Variants in BRAF observed in about 807,000 individuals in gnomAD.
BRAF encodes the protein B-Raf proto-oncogene, serine/threonine kinase.
Under a neutral mutation model 104.6 loss-of-function variants are expected in BRAF, and 16 were observed. That is an observed-to-expected ratio of 0.15 (90% CI 0.10 to 0.23). BRAF has a LOEUF of 0.23. Among genes scored for constraint, BRAF ranks in the 10% least tolerant of loss-of-function variants. BRAF has a pLI of 1.00. For missense variants in BRAF, 541 were observed against 937.3 expected (o/e 0.58, Z 5.52); for synonymous variants, 310 against 341.6 (o/e 0.91, Z 1.02).
At chr7:140,882,351 T>C (rs1239981873) in intron 1 of BRAF, among the ~76,000 whole-genome samples, 1 of 151,922 alleles carries the variant, frequency 6.6e-6, no homozygotes, top group African/African-American at 2.4e-5. Context: ...GAAATAACTA[T>C]TATTTCTTTA....
chr7:140,759,709 C>T (rs1333712162), intron 14 of BRAF, among the ~76,000 whole-genome samples: 2 of 152,156 alleles, frequency 1.3e-5, no homozygotes, highest in Non-Finnish European at 2.9e-5. Context: ...TTTTAAATGA[C>T]TTGTCCAACC....
Position 140,734,774 on chromosome 7 carries a change from C to CAAAAAAA in BRAF, c.2248-11_2248-5dup, listed in dbSNP as rs373442098. 4 of 773,850 alleles carry CAAAAAAA rather than the reference C, an allele frequency of 5.2e-6. No homozygotes were observed. Among genetic ancestry groups the CAAAAAAA allele is most frequent in the South Asian group, 5.4e-5 (2 of 37,042 alleles). The allele number at this position is 773,850 out of a possible 1,614,324, so 47.9% of individuals were successfully genotyped here. On this transcript the variant is annotated splice_region_variant and splice_polypyrimidine_tract_variant and intron_variant, in intron 18 of 19. Coordinates refer to ENST00000644969, the MANE Select transcript of BRAF (RefSeq NM_001374258.1). Reference sequence around the variant, plus strand: ...GCAGCTCAATAGAGGCGAGAATCTACAAAAAAAAAAAGAAAAAAAAAAGAA... The same window carrying CAAAAAAA: ...GCAGCTCAATAGAGGCGAGAATCTACAAAAAAAAAAAAAAAAAAGAAAAAAAAAAGAA...
At chr7:140,923,396 T>C (rs1337364972) in intron 1 of BRAF, among the ~76,000 whole-genome samples, 1 of 152,122 alleles carries the variant, frequency 6.6e-6, no homozygotes, top group Non-Finnish European at 1.5e-5. Context: ...TACCAAATAT[T>C]TGTAATAAAT....
chr7:140,879,721 T>C (rs1376492248), intron 1 of BRAF, among the ~76,000 whole-genome samples: 1 of 144,106 alleles, frequency 6.9e-6, no homozygotes, highest in African/African-American at 2.9e-5. Context: ...AGGGTGACTG[T>C]GGCAATTTCT....
intron 1 of BRAF, among the ~76,000 whole-genome samples, chr7:140,893,704 G>A (rs1436177342): frequency 6.6e-6 from 1 of 152,250 alleles, no homozygotes. Context: ...ACAGGGAGTG[G>A]GGGATGAGAG....
At chr7:140,884,429 A>ATATG (rs1290111251) in intron 1 of BRAF, among the ~76,000 whole-genome samples, 1 of 127,462 alleles carries the variant, frequency 7.8e-6, no homozygotes, top group African/African-American at 2.9e-5. Flanking sequence ...TATATAAGAT[A>ATATG]TGTGTGTGTG....
intron 1 of BRAF, among the ~76,000 whole-genome samples, chr7:140,852,686 C>T (rs1363010529): frequency 3.3e-5 from 5 of 152,138 alleles, no homozygotes; most frequent in African/African-American, 1.2e-4. Flanking sequence ...CAACTATGAA[C>T]TGATGAAGCC....
At chr7:140,852,277 G>T (rs1335548854) in intron 1 of BRAF, among the ~76,000 whole-genome samples, 2 of 151,752 alleles carry the variant, frequency 1.3e-5, no homozygotes, top group Non-Finnish European at 2.9e-5. Context: ...GCTGATGTGG[G>T]AGGATTACCT....
Position 140,722,978 on chromosome 7 carries a change from G to A in BRAF, c.*3516C>T, listed in dbSNP as rs2130822925. On this transcript the variant is annotated 3_prime_UTR_variant, in exon 20 of 20. Transcript: ENST00000644969. The stretch of plus-strand genomic sequence containing the variant: ...ACAAAATGAGAGTGCTCAAATACAA[G>A]TACACAAAAAAGTTAAAATCTTAAA... 2 of 1,053,870 alleles carry A rather than the reference G, an allele frequency of 1.9e-6. No individual in the cohort carries two copies. Among genetic ancestry groups the A allele is most frequent in the Non-Finnish European group, 2.3e-6 (2 of 872,232 alleles). 65.3% of individuals were successfully genotyped at this position (1,053,870 alleles called of 1,614,324 possible).
chr7:140,804,414 GT>G (rs771203988), intron 5 of BRAF, among the ~76,000 whole-genome samples: 435 of 144,116 alleles, frequency 3.0e-3, no homozygotes, highest in East Asian at 0.011. Context: ...TTTGGGGGGG[GT>G]GGTTAATACT....
chr7:140,788,856 TG>T (rs1801655411), intron 8 of BRAF, among the ~76,000 whole-genome samples: 1 of 151,798 alleles, frequency 6.6e-6, no homozygotes, highest in African/African-American at 2.4e-5. Context: ...CCCAAAGTGC[TG>T]GGATTACATG....
rs571304860 is a variant in BRAF at position 140,880,358 on chromosome 7, G to A, written c.139-30146C>T. 2.6e-5 allele frequency among the ~76,000 whole-genome samples: 4 copies of A among 152,138 alleles called. No individual in the cohort carries two copies. In the East Asian group the frequency reaches 5.8e-4, roughly 22 times the overall value. The stretch of plus-strand genomic sequence containing the variant: ...TTTTACCATGACATTGTAGCAATTC[G>A]GTCACATCTTCAGGATCCACTTCTA... On this transcript the variant is annotated intron_variant, in intron 1 of 19. Coordinates refer to ENST00000644969, the MANE Select transcript of BRAF (RefSeq NM_001374258.1).
intron 1 of BRAF, among the ~76,000 whole-genome samples, chr7:140,871,452 A>C (rs575711104): frequency 6.6e-6 from 1 of 152,276 alleles, no homozygotes; most frequent in African/African-American, 2.4e-5. Flanking sequence ...TCTCTAAAGC[A>C]AGGACTGCCT....
At chr7:140,901,877 C>T (rs1290684943) in intron 1 of BRAF, among the ~76,000 whole-genome samples, 1 of 152,200 alleles carries the variant, frequency 6.6e-6, no homozygotes. Context: ...TCTACTTCTA[C>T]CACTTAACTG....
rs1795501169 is a variant in BRAF, at chr7:140,724,634, C to CA, written c.*1859dup. 1 of 1,036,032 alleles carries CA rather than the reference C, an allele frequency of 9.7e-7. No individual in the cohort carries two copies. Among genetic ancestry groups the CA allele is most frequent in the Non-Finnish European group, 1.2e-6 (1 of 860,630 alleles). The allele number at this position is 1,036,032 out of a possible 1,614,324, so 64.2% of individuals were successfully genotyped here. On this transcript the variant is annotated 3_prime_UTR_variant, in exon 20 of 20. Transcript: ENST00000644969. Reference sequence around the variant, plus strand: ...TTTCTTCTGAATACATGTATGTTAGCAAAAATCTAATGGTAGTGAGCTTTT... The same window carrying CA: ...TTTCTTCTGAATACATGTATGTTAGCAAAAAATCTAATGGTAGTGAGCTTTT...
chr7:140,918,316 CAG>C (rs1391985768), intron 1 of BRAF, among the ~76,000 whole-genome samples: 1 of 152,138 alleles, frequency 6.6e-6, no homozygotes, highest in African/African-American at 2.4e-5. Flanking sequence ...TGTTCCACCT[CAG>C]ATCATCAGGC....
At chr7:140,883,551 G>A (rs1261261644) in intron 1 of BRAF, among the ~76,000 whole-genome samples, 2 of 152,140 alleles carry the variant, frequency 1.3e-5, no homozygotes, top group African/African-American at 4.8e-5. Context: ...TTGTAACATA[G>A]AGCTACTTAT....
intron 9 of BRAF, among the ~76,000 whole-genome samples, chr7:140,787,205 G>A (rs959134255): frequency 4.0e-5 from 6 of 150,454 alleles, no homozygotes; most frequent in African/African-American, 1.2e-4. Context: ...GGAGGCTGAG[G>A]CAGGAGAATG....
rs572847523 is a variant in BRAF, at chr7:140,783,437, T to G, written c.1298-280A>C. ...TGCAAAATCTAGGAGAAAAACAATC[T>G]CTCTAAAACAAGACAGAAATACTAA... On this transcript the variant is annotated intron_variant, in intron 10 of 19. Transcript: ENST00000644969. 80 of 304,782 alleles carry G rather than the reference T, an allele frequency of 2.6e-4. 2 individuals are homozygous for G. In the South Asian group the frequency reaches 8.6e-3, roughly 33 times the overall value. 18.9% of individuals were successfully genotyped at this position (304,782 alleles called of 1,614,324 possible). A position where few individuals can be genotyped will look rare whatever the true frequency, so the allele number is the denominator to read the frequency against.
Sources: allele counts gnomAD v4.1 joint callset (sites outside exome capture counted in the v4.1 genomes callset), GRCh38; gene constraint gnomAD v4.1.1; transcripts MANE v1.5; gene names NCBI Gene and HGNC (gene_info 2026-07-23, HGNC 2026-07-21).